The following GRK4 variants were observed in gnomAD, a reference collection of about 807,000 sequenced individuals.
GRK4 encodes the protein G protein-coupled receptor kinase 4.
GRK4 carries 73 observed loss-of-function variants against 77.9 expected under a neutral mutation model. The observed-to-expected ratio is 0.94, with a 90% CI of 0.78 to 1.14. GRK4 has a LOEUF of 1.14. Among genes scored for constraint, GRK4 ranks in the 50% most tolerant of loss-of-function variants. The pLI is 0.00. For missense variants in GRK4, 729 were observed against 700.2 expected (o/e 1.04, Z -0.46); for synonymous variants, 257 against 254.4 (o/e 1.01, Z -0.10).
intron 7 of GRK4, among the ~76,000 whole-genome samples, chr4:3,011,605 G>C (rs1034385280): frequency 1.3e-5 from 2 of 152,190 alleles, no homozygotes; most frequent in East Asian, 3.8e-4. Context: ...TCAAGGCCCA[G>C]AGGCAGTGAG....
At chr4:3,023,675 G>A (rs1290036961) in intron 10 of GRK4, among the ~76,000 whole-genome samples, 2 of 152,198 alleles carry the variant, frequency 1.3e-5, no homozygotes, top group Non-Finnish European at 2.9e-5. Context: ...TTCATTCCTG[G>A]TGCTGTGCTG....
At position 3,029,248 on chromosome 4, in the gene GRK4, T is replaced by TG. The variant is rs1420922820; in HGVS notation, c.1112dup (p.Leu372ThrfsTer7). On this transcript the variant is annotated frameshift_variant, in exon 12 of 16. Coordinates refer to ENST00000398052, the MANE Select transcript of GRK4 (RefSeq NM_182982.3). LOFTEE classifies it high-confidence loss of function. ...AAAGTATACGTTTAGTCCCGATTGG[T>TG]GGGGACTTGGCTGTCTGATCTATGA... is the stretch of plus-strand genomic sequence containing the variant. 1 of 1,614,028 alleles carries TG rather than the reference T, an allele frequency of 6.2e-7. No homozygotes were observed. The highest frequency in any genetic ancestry group is 2.2e-5 in the East Asian group (1 of 44,906).
intron 12 of GRK4, among the ~76,000 whole-genome samples, chr4:3,029,753 C>G (rs1446227116): frequency 6.6e-6 from 1 of 152,078 alleles, no homozygotes; most frequent in Admixed American, 6.6e-5. Context: ...AGGCTCACGT[C>G]AACCTGTCTC....
At chr4:2,992,666 A>G (rs899585920) in intron 4 of GRK4, among the ~76,000 whole-genome samples, 3 of 151,940 alleles carry the variant, frequency 2.0e-5, no homozygotes, top group Non-Finnish European at 2.9e-5. Flanking sequence ...TGGGTGACAG[A>G]GCAAGACCCT....
At chr4:3,014,296 C>CTTTTTTTTTT (rs60684225) in intron 8 of GRK4, among the ~76,000 whole-genome samples, 8 of 118,976 alleles carry the variant, frequency 6.7e-5, no homozygotes, top group African/African-American at 2.4e-4. Context: ...CTCTCTCTCT[C>CTTTTTTTTTT]TTTTTTTTTT....
chr4:2,975,504 C>T (rs558747599), intron 1 of GRK4, among the ~76,000 whole-genome samples: 43 of 152,222 alleles, frequency 2.8e-4, no homozygotes, highest in African/African-American at 1.0e-3. Flanking sequence ...GACACTGGCC[C>T]GTCAGCAAAA....
chr4:2,983,685 T>C (rs1229271430), intron 1 of GRK4, among the ~76,000 whole-genome samples: 1 of 152,194 alleles, frequency 6.6e-6, no homozygotes, highest in Non-Finnish European at 1.5e-5. Flanking sequence ...TAGCATTTTT[T>C]TCTTATCTCT....
chr4:2,965,750 A>G (rs896732866), intron 1 of GRK4: 1 of 387,464 alleles, frequency 2.6e-6, no homozygotes, highest in African/African-American at 2.0e-5. Flanking sequence ...GAATAGAAGA[A>G]CTGAGAATGG....
intron 4 of GRK4, among the ~76,000 whole-genome samples, chr4:2,996,041 G>A (rs766383590): frequency 2.6e-5 from 4 of 152,034 alleles, no homozygotes; most frequent in South Asian, 4.2e-4. Flanking sequence ...CTGATAATTC[G>A]AAGGGGCTCA....
chr4:2,984,624 C>T lies in GRK4; in HGVS notation c.148+16C>T, dbSNP rs772988896. 2.9e-6 allele frequency: 4 copies of T among 1,392,774 alleles called. No individual in the cohort carries two copies. The highest frequency in any genetic ancestry group is 4.0e-6 in the Non-Finnish European group (4 of 991,094). The allele number at this position is 1,392,774 out of a possible 1,614,324, so 86.3% of individuals were successfully genotyped here. On this transcript the variant is annotated intron_variant, in intron 2 of 15. Transcript: ENST00000398052. ...CATTCCATTGGTGAGTAAATAGTGC[C>T]TACTAATGCTTGGATGGTACATCTG...
intron 4 of GRK4, among the ~76,000 whole-genome samples, chr4:2,997,738 T>C (rs1313124054): frequency 2.0e-5 from 3 of 151,328 alleles, no homozygotes; most frequent in Admixed American, 2.0e-4. Flanking sequence ...TGAAACCCCA[T>C]CTCTACTAAA....
In GRK4 at chr4:3,028,119, G is replaced by A. The variant is rs542212836; in HGVS notation, c.1060+118G>A. The A allele has an allele frequency of 5.2e-5, 42 of 800,988 alleles. 1 individual carries two copies. The highest frequency in any genetic ancestry group is 1.4e-4 in the South Asian group (9 of 65,088). 49.6% of individuals were successfully genotyped at this position (800,988 alleles called of 1,614,324 possible). A position where few individuals can be genotyped will look rare whatever the true frequency, so the allele number is the denominator to read the frequency against. ...CTCGGTTTGGACACACTAGTAGATG[G>A]CGCAGTGGTGTTTTGAATCTCTAAC... On this transcript the variant is annotated intron_variant, in intron 11 of 15. Transcript: ENST00000398052.
intron 8 of GRK4, among the ~76,000 whole-genome samples, chr4:3,017,397 G>A (rs1396415685): frequency 6.6e-6 from 1 of 152,102 alleles, no homozygotes; most frequent in African/African-American, 2.4e-5. Flanking sequence ...CCTCCACCAC[G>A]ATATTAGGAC....
intron 8 of GRK4, among the ~76,000 whole-genome samples, chr4:3,018,374 A>G (rs1735145145): frequency 6.6e-6 from 1 of 152,198 alleles, no homozygotes; most frequent in East Asian, 1.9e-4. Context: ...AGAAACATCA[A>G]AATCTAAGAA....
chr4:3,009,400 C>T (rs1301480473), intron 6 of GRK4, among the ~76,000 whole-genome samples: 5 of 134,012 alleles, frequency 3.7e-5, no homozygotes, highest in African/African-American at 5.8e-5. Context: ...CCAGCCCTGG[C>T]GACAGAGTGA....
At chr4:3,024,549 A>G (rs974613771) in intron 10 of GRK4, among the ~76,000 whole-genome samples, 2 of 152,070 alleles carry the variant, frequency 1.3e-5, no homozygotes, top group African/African-American at 4.8e-5. Flanking sequence ...GGCATGAGCC[A>G]CCATATCTGG....
intron 8 of GRK4, among the ~76,000 whole-genome samples, chr4:3,017,893 C>G (rs1169837991): frequency 2.0e-5 from 3 of 152,042 alleles, no homozygotes; most frequent in Admixed American, 2.0e-4. Context: ...ATATTAAAAG[C>G]TTTTCCCCGT....
At chr4:3,019,928 G>T in intron 9 of GRK4, 97 bp downstream of exon 9, 2 of 1,181,488 alleles carry the variant, frequency 1.7e-6, no homozygotes, top group Non-Finnish European at 2.4e-6. Context: ...TCCAGGATGG[G>T]CAGGAGAATA....
At chr4:3,003,634 C>A (rs1397867939) in intron 4 of GRK4, among the ~76,000 whole-genome samples, 1 of 152,128 alleles carries the variant, frequency 6.6e-6, no homozygotes, top group African/African-American at 2.4e-5. Flanking sequence ...TCCACAGACA[C>A]CTGGGTTGTT....
Sources: allele counts gnomAD v4.1 joint callset (sites outside exome capture counted in the v4.1 genomes callset), GRCh38; gene constraint gnomAD v4.1.1; transcripts MANE v1.5; gene names NCBI Gene and HGNC (gene_info 2026-07-23, HGNC 2026-07-21).